PCDHA7: variants seen among roughly 807,000 people sequenced by gnomAD.
PCDHA7 encodes the protein protocadherin alpha 7, also known as protocadherin alpha-7.
PCDHA7 carries 37 observed loss-of-function variants against 57.2 expected under a neutral mutation model. The ratio of observed to expected loss-of-function variants is 0.65; its 90% CI spans 0.50 to 0.85. The LOEUF is 0.85. PCDHA7 is among the 40% of genes least tolerant of loss of function. The pLI, the probability that PCDHA7 is intolerant of heterozygous loss-of-function variation, is 0.00. For missense variants in PCDHA7, 1,188 were observed against 1,241.8 expected (o/e 0.96, Z 0.65); for synonymous variants, 553 against 558.8 (o/e 0.99, Z 0.15).
rs908218007 is a variant in PCDHA7 at position 140,929,518 on chromosome 5, T to C, written c.2356-49431T>C. On this transcript the variant is annotated intron_variant, in intron 1 of 3. Transcript: ENST00000525929. ...ATTGCCCTAGGCCTCAAGGGACTTA[T>C]AGTTTATTTTTGAGAAACAAGGGCA... 7 of 753,028 alleles carry C rather than the reference T, an allele frequency of 9.3e-6. No homozygotes were observed. The Admixed American group carries it at 1.2e-4, about 13-fold the overall frequency. The allele number at this position is 753,028 out of a possible 1,614,324, so 46.6% of individuals were successfully genotyped here. A position where few individuals can be genotyped will look rare whatever the true frequency, so the allele number is the denominator to read the frequency against.
At chr5:140,855,023 G>T (rs115040572) in intron 1 of PCDHA7, among the ~76,000 whole-genome samples, 1 of 149,492 alleles carries the variant, frequency 6.7e-6, no homozygotes, top group African/African-American at 2.4e-5. Context: ...GAAACTTCTT[G>T]TATAAAGGAT....
chr5:140,979,033 C>T, intron 2 of PCDHA7, 26 bp downstream of exon 2: 1 of 1,613,044 alleles, frequency 6.2e-7, no homozygotes, highest in Non-Finnish European at 8.5e-7. Flanking sequence ...CTCATTCACT[C>T]AGAAGTAACC....
intron 3 of PCDHA7, among the ~76,000 whole-genome samples, chr5:140,987,510 C>A (rs1225122300): frequency 6.6e-6 from 1 of 152,184 alleles, no homozygotes; most frequent in Non-Finnish European, 1.5e-5. Flanking sequence ...ACCTCTGCCA[C>A]TCAGTAATTG....
chr5:140,854,158 T>TTAAA, intron 1 of PCDHA7: 1 of 123,422 alleles, frequency 8.1e-6, no homozygotes, highest in Non-Finnish European at 1.0e-5. Flanking sequence ...AGATTCTGTC[T>TTAAA]CAAAAAAAAA....
chr5:140,881,106 C>T (rs1233394839), intron 1 of PCDHA7, among the ~76,000 whole-genome samples: 1 of 152,114 alleles, frequency 6.6e-6, no homozygotes, highest in Non-Finnish European at 1.5e-5. Context: ...CACCATTTGG[C>T]CTGGGATTTT....
chr5:140,842,182 T>A (rs200850648), intron 1 of PCDHA7: 1 of 1,613,440 alleles, frequency 6.2e-7, no homozygotes, highest in Non-Finnish European at 8.5e-7. Flanking sequence ...TTGTTGAAAC[T>A]ATGGTTATTG....
At chr5:140,844,934 G>T (rs1554140786) in intron 1 of PCDHA7, among the ~76,000 whole-genome samples, 1 of 149,226 alleles carries the variant, frequency 6.7e-6, no homozygotes, top group African/African-American at 2.5e-5. Context: ...GGGAATGAAC[G>T]ATTTCTGGGA....
At chr5:140,870,219 C>A (rs1188426625) in intron 1 of PCDHA7, 2 of 1,614,034 alleles carry the variant, frequency 1.2e-6, no homozygotes, top group Non-Finnish European at 1.7e-6. Flanking sequence ...CCCTGATCAG[C>A]GTGTCTGACC....
chr5:140,883,393 C>G, intron 1 of PCDHA7: 1 of 1,614,160 alleles, frequency 6.2e-7, no homozygotes, highest in South Asian at 1.1e-5. Context: ...TCAGTGTGTC[C>G]GATCGTGACT....
chr5:140,887,670 C>T (rs368430565), intron 1 of PCDHA7, among the ~76,000 whole-genome samples: 1 of 151,988 alleles, frequency 6.6e-6, no homozygotes, highest in Non-Finnish European at 1.5e-5. Context: ...GTGGATTTAT[C>T]ATTTTCATCA....
intron 3 of PCDHA7, among the ~76,000 whole-genome samples, chr5:141,006,304 C>T (rs528368169): frequency 7.9e-5 from 12 of 152,036 alleles, no homozygotes; most frequent in African/African-American, 2.7e-4. Context: ...CTCCACTTCC[C>T]GGGTTCATGC....
rs555659207 is a variant in PCDHA7, at chr5:140,967,475, C to A, written c.2356-11474C>A. 2.5e-6 allele frequency: 4 copies of A among 1,613,342 alleles called. No homozygotes were observed. In the East Asian group the frequency reaches 8.9e-5, roughly 36 times the overall value. On this transcript the variant is annotated intron_variant, in intron 1 of 3. Coordinates refer to ENST00000525929, the MANE Select transcript of PCDHA7 (RefSeq NM_018910.3). ...AGCCGTGGATGGGGGCATCCCAGCC[C>A]GCTCGGGTACGGCACAGATCTCTGT...
At chr5:140,884,917 C>G (rs1343503909) in intron 1 of PCDHA7, among the ~76,000 whole-genome samples, 1 of 152,168 alleles carries the variant, frequency 6.6e-6, no homozygotes, top group Non-Finnish European at 1.5e-5. Flanking sequence ...CTTAATAGTT[C>G]TAAGTATTTA....
In PCDHA7 at chr5:140,835,959, G is replaced by T. The variant is rs1162944895; in HGVS notation, c.1576G>T (p.Glu526Ter). 7.4e-6 allele frequency: 12 copies of T among 1,612,958 alleles called. No individual in the cohort carries two copies. Among genetic ancestry groups the T allele is most frequent in the Non-Finnish European group, 9.3e-6 (11 of 1,179,694 alleles). Residue 526 changes from glutamate to a stop codon, truncating the protein, a stop_gained, in exon 1 of 4, where the codon GAG becomes TAG. Coordinates refer to ENST00000525929, the MANE Select transcript of PCDHA7 (RefSeq NM_018910.3). LOFTEE classifies it high-confidence loss of function. ...KVYALQPLDHEELELLQFQVS... is the reference protein window; with the variant it reads ...KVYALQPLDH ...GTACGCGCTGCAGCCGTTGGACCAC[G>T]AGGAGCTGGAGCTGTTGCAGTTCCA...
At chr5:140,889,872 G>A (rs1554184085) in intron 1 of PCDHA7, among the ~76,000 whole-genome samples, 1 of 152,140 alleles carries the variant, frequency 6.6e-6, no homozygotes, top group South Asian at 2.1e-4. Flanking sequence ...GGGGAAGCCT[G>A]CCACCATGTA....
At chr5:140,982,671 G>T in intron 3 of PCDHA7, 108 bp downstream of exon 3, 1 of 1,454,062 alleles carries the variant, frequency 6.9e-7, no homozygotes, top group South Asian at 1.4e-5. Context: ...TTATATTTTT[G>T]TTATTCCCTT....
At chr5:140,947,086 CTG>C (rs1554218047) in intron 1 of PCDHA7, among the ~76,000 whole-genome samples, 1 of 151,518 alleles carries the variant, frequency 6.6e-6, no homozygotes, top group African/African-American at 2.4e-5. Context: ...AAACATCAGA[CTG>C]TAGCCCATAA....
At chr5:140,914,488 G>T (rs1437401245) in intron 1 of PCDHA7, among the ~76,000 whole-genome samples, 1 of 152,080 alleles carries the variant, frequency 6.6e-6, no homozygotes, top group Non-Finnish European at 1.5e-5. Flanking sequence ...AGTGTTTCTT[G>T]TGGGCAACAG....
chr5:140,855,292 C>A lies in PCDHA7; in HGVS notation c.2355+18554C>A, dbSNP rs950015519. Reference sequence around the variant, plus strand: ...ACTCAACCACCGTATTACTATTAGGCCAAAGTTATAAAATTGGAACATGAG... The same window carrying A: ...ACTCAACCACCGTATTACTATTAGGACAAAGTTATAAAATTGGAACATGAG... On this transcript the variant is annotated intron_variant, in intron 1 of 3. Transcript: ENST00000525929. Among the ~76,000 whole-genome samples, 36 of 149,604 alleles carry A rather than the reference C, an allele frequency of 2.4e-4. 2 individuals carry two copies. Among genetic ancestry groups the A allele is most frequent in the African/African-American group, 8.6e-4 (35 of 40,780 alleles).
Sources: gnomAD v4.1 joint callset for allele counts (sites outside exome capture counted in the v4.1 genomes callset) on GRCh38, gnomAD v4.1.1 for gene constraint, MANE v1.5 for transcripts, NCBI Gene and HGNC (gene_info 2026-07-23, HGNC 2026-07-21) for gene names.